The following EN1 variants were observed in gnomAD, a reference collection of about 807,000 sequenced individuals.
EN1 encodes homeobox protein engrailed-1.
A neutral mutation model predicts 22.9 loss-of-function variants in EN1; 8 were observed. The observed-to-expected ratio is 0.35, with a 90% confidence interval of 0.20 to 0.63. EN1 has a LOEUF of 0.63. Ranked by LOEUF, EN1 falls within the 20% of genes least tolerant of loss-of-function variation. The probability of loss-of-function intolerance (pLI) is 0.73; values close to 1 mark genes in which losing one functional copy is unlikely to be tolerated. For synonymous variants in EN1, 287 were observed against 262.5 expected, an observed-to-expected ratio of 1.09 and a Z score of -0.90; for missense variants, 521 against 572.1, an observed-to-expected ratio of 0.91 and a Z score of 0.91.
Position 118,846,520 on chromosome 2 carries a change from T to A in EN1, c.648A>T (p.Ala216=). 7.8e-7 allele frequency: 1 copy of A among 1,288,800 alleles called. No individual in the cohort carries two copies. The highest frequency in any genetic ancestry group is 3.2e-5 in the East Asian group (1 of 31,494). The allele number at this position is 1,288,800 out of a possible 1,614,324, so 79.8% of individuals were successfully genotyped here. A position where few individuals can be genotyped will look rare whatever the true frequency, so the allele number is the denominator to read the frequency against. ...CACCGGTGTCCGAGGGCTTGGCTGC[T>A]GCGGCCGCCGCCGCCGCCGCCACTG... The part of the protein sequence containing the change: ...AAAVAAAAAA[A]AAKPSDTGGG... Residue 216 remains alanine, a synonymous_variant, in exon 1 of 2, where the codon GCA becomes GCT. Transcript: ENST00000295206. The surrounding 1 kb of genome is among the most constrained non-coding windows in gnomAD (Gnocchi z 5.0).
intron 1 of EN1, chr2:118,843,965 TAGGGTCTC>T (rs1057085381): frequency 1.3e-5 from 2 of 151,686 alleles, no homozygotes; most frequent in South Asian, 4.2e-4. Flanking sequence ...AAGCCTTTTC[TAGGGTCTC>T]AGGGATGCAG....
chr2:118,843,142 G>A lies in EN1; in HGVS notation c.975C>T (p.Asn325=), dbSNP rs1177780569. The change falls in exon 2 of 2, where the codon AAC becomes AAT. Residue 325 remains asparagine (N), a synonymous_variant. Transcript: ENST00000295206. The part of the protein sequence containing the change: ...LQRLKAEFQA[N]RYITEQRRQT... ...GCCGCCGCTGCTCCGTGATGTAGCG[G>A]TTTGCCTGGAACTCCGCCTTGAGTC... 1.2e-6 allele frequency: 2 copies of A among 1,613,116 alleles called. No individual in the cohort carries two copies. The highest frequency in any genetic ancestry group is 1.7e-6 in the Non-Finnish European group (2 of 1,179,688).
Position 118,846,670 on chromosome 2 carries a change from AGCGCCTGGCGCCCGGGTG to A in EN1, c.480_497del (p.Thr161_Ala166del), listed in dbSNP as rs1558801384. The A allele has an allele frequency of 1.3e-6, 2 of 1,577,332 alleles. No homozygotes were observed. Among genetic ancestry groups the A allele is most frequent in the Non-Finnish European group, 1.7e-6 (2 of 1,171,184 alleles). ...CGTCCGGGGCGCACAGGAGCGAGGC[AGCGCCTGGCGCCCGGGTG>A]CCCAACGGGTGGACAGGGTCTCTAC... On this transcript the variant is annotated inframe_deletion, in exon 1 of 2. Coordinates refer to ENST00000295206, the MANE Select transcript of EN1 (RefSeq NM_001426.4). This position sits in a 1 kb window ranked among gnomAD's most constrained non-coding sequence, Gnocchi z 5.0.
In EN1 at chr2:118,846,400, G is replaced by T. The variant is rs1304539598; in HGVS notation, c.768C>A (p.Ala256=). The T allele has an allele frequency of 1.2e-6, 2 of 1,613,502 alleles. No individual in the cohort carries two copies. ...CAGTTTTGACCACGGGCCCGCCGTT[G>T]GCTGAGCCCATAAGTAGGATAGCCG... The part of the protein sequence containing the change: ...GNPAILLMGS[A]NGGPVVKTDS... Residue 256 remains alanine (A), a synonymous_variant, in exon 1 of 2, where the codon GCC becomes GCA. Transcript: ENST00000295206. The surrounding 1 kb of genome is among the most constrained non-coding windows in gnomAD (Gnocchi z 5.0).
At position 118,842,982 on chromosome 2, in the gene EN1, T is replaced by G. The variant is rs777982562; in HGVS notation, c.1135A>C (p.Asn379His). The G allele has an allele frequency of 8.1e-6, 13 of 1,613,992 alleles. No homozygotes were observed. Among genetic ancestry groups the G allele is most frequent in the African/African-American group, 1.3e-5 (1 of 74,896 alleles). ...TCCTGGACCGTGGTGGTGGAGTGGT[T>G]GTACAGTCCCTGGGCCATGAGGTGC... ...ALHLMAQGLY[N>H]HSTTTVQDKD... Residue 379 changes from asparagine (N) to histidine (H), a missense_variant, in exon 2 of 2, where the codon AAC (asparagine) becomes CAC (histidine). Coordinates refer to ENST00000295206, the MANE Select transcript of EN1 (RefSeq NM_001426.4).
chr2:118,843,208 G>A lies in EN1; in HGVS notation c.909C>T (p.Asp303=), dbSNP rs1303708862. 6.4e-7 allele frequency: 1 copy of A among 1,569,254 alleles called. No individual in the cohort carries two copies. The highest frequency in any genetic ancestry group is 8.6e-7 in the Non-Finnish European group (1 of 1,157,806). Residue 303 remains aspartate, a synonymous_variant, in exon 2 of 2, where the codon GAC becomes GAT. Transcript: ENST00000295206. Reference sequence around the variant, plus strand: ...CCGTGAACGCGGTCCGCGGCCGCTTGTCCTCCTTCTCGTTCTTCTTCTTCT... The same window carrying A: ...CCGTGAACGCGGTCCGCGGCCGCTTATCCTCCTTCTCGTTCTTCTTCTTCT... ...KLKKKKNEKE[D]KRPRTAFTAE... is the part of the protein sequence containing the mutation.
Position 118,846,457 on chromosome 2 carries a change from C to A in EN1, c.711G>T (p.Ala237=), listed in dbSNP as rs377373176. The change falls in exon 1 of 2, where the codon GCG becomes GCT. Residue 237 remains alanine, a synonymous_variant. Coordinates refer to ENST00000295206, the MANE Select transcript of EN1 (RefSeq NM_001426.4). This position sits in a 1 kb window ranked among gnomAD's most constrained non-coding sequence, Gnocchi z 5.0. ...GSGGGAGSPG[A]QGTKYPEHGN... is the part of the protein sequence containing the mutation. Reference sequence around the variant, plus strand: ...CGTGCTCCGGGTATTTGGTGCCCTGCGCTCCGGGGCTCCCCGCGCCGCCTC... The same window carrying A: ...CGTGCTCCGGGTATTTGGTGCCCTGAGCTCCGGGGCTCCCCGCGCCGCCTC... The A allele has an allele frequency of 1.2e-5, 20 of 1,606,850 alleles. No individual in the cohort carries two copies. The highest frequency in any genetic ancestry group is 2.3e-5 in the East Asian group (1 of 44,256).
chr2:118,843,275 G>A lies in EN1; in HGVS notation c.863-21C>T, dbSNP rs750658689. On this transcript the variant is annotated intron_variant, in intron 1 of 1. Coordinates refer to ENST00000295206, the MANE Select transcript of EN1 (RefSeq NM_001426.4). ...CGGACCTGCAGCGGCGGAGAGGGCC[G>A]GGGTGGGGTGGGGGTGGGGACCGAG... 3.7e-5 allele frequency: 50 copies of A among 1,337,860 alleles called. 1 individual carries two copies. Among genetic ancestry groups the A allele is most frequent in the Middle Eastern group, 4.3e-4 (2 of 4,640 alleles). The allele number at this position is 1,337,860 out of a possible 1,614,324, so 82.9% of individuals were successfully genotyped here. A position where few individuals can be genotyped will look rare whatever the true frequency, so the allele number is the denominator to read the frequency against.
At chr2:118,843,804 C>G (rs1558800542) in intron 1 of EN1, 1 of 155,244 alleles carries the variant, frequency 6.4e-6, no homozygotes, top group Non-Finnish European at 1.4e-5. Flanking sequence ...AAGACCCCAT[C>G]TGCTTGTAGC....
chr2:118,843,662 G>A (rs1186779473), intron 1 of EN1, among the ~76,000 whole-genome samples: 3 of 152,224 alleles, frequency 2.0e-5, no homozygotes. Context: ...TTGGGGGTCA[G>A]GGGCCTGCTG....
Position 118,846,853 on chromosome 2 carries a change from A to G in EN1, c.315T>C (p.Phe105=). ...CCGGCCTCAGGATGTTGTCGATGAAAAAGTTGGTGGTGCGGTGCAGCTGGG... is the reference window on the plus strand; with the variant it reads ...CCGGCCTCAGGATGTTGTCGATGAAGAAGTTGGTGGTGCGGTGCAGCTGGG... ...PAAQLHRTTN[F]FIDNILRPDF... The change falls in exon 1 of 2, where the codon TTT becomes TTC. Residue 105 remains phenylalanine (F), a synonymous_variant. Coordinates refer to ENST00000295206, the MANE Select transcript of EN1 (RefSeq NM_001426.4). This position sits in a 1 kb window ranked among gnomAD's most constrained non-coding sequence, Gnocchi z 5.0. 1 of 1,591,740 alleles carries G rather than the reference A, an allele frequency of 6.3e-7. No homozygotes were observed. Among genetic ancestry groups the G allele is most frequent in the Non-Finnish European group, 8.5e-7 (1 of 1,175,272 alleles).
chr2:118,846,532 CGCCGCCGCCACTGCCGCCGCG>C lies in EN1; in HGVS notation c.615_635del (p.Val209_Ala215del), dbSNP rs1367192397. 11 of 1,220,056 alleles carry C rather than the reference CGCCGCCGCCACTGCCGCCGCG, an allele frequency of 9.0e-6. 1 individual carries two copies. Among genetic ancestry groups the C allele is most frequent in the South Asian group, 7.0e-5 (2 of 28,634 alleles). The allele number at this position is 1,220,056 out of a possible 1,614,324, so 75.6% of individuals were successfully genotyped here. The stretch of plus-strand genomic sequence containing the variant: ...AGGGCTTGGCTGCTGCGGCCGCCGC[CGCCGCCGCCACTGCCGCCGCG>C]GCCGCCGCCGCCGCCGCAGCCGGGT... On this transcript the variant is annotated inframe_deletion, in exon 1 of 2. Transcript: ENST00000295206. This position sits in a 1 kb window ranked among gnomAD's most constrained non-coding sequence, Gnocchi z 5.0.
At position 118,845,019 on chromosome 2, in the gene EN1, G is replaced by C. The variant is rs116271135; in HGVS notation, c.862+1287C>G. On this transcript the variant is annotated intron_variant, in intron 1 of 1. Coordinates refer to ENST00000295206, the MANE Select transcript of EN1 (RefSeq NM_001426.4). ...AGTGTTGTTGTATGTGTGTGCAGAG[G>C]CACGGACTCTTGTAATAAAATCGTT... Among the ~76,000 whole-genome samples the C allele has an allele frequency of 4.2e-3, 644 of 152,370 alleles. 6 individuals are homozygous for C. Among genetic ancestry groups the C allele is most frequent in the African/African-American group, 0.015 (616 of 41,586 alleles).
Position 118,843,148 on chromosome 2 carries a change from C to T in EN1, c.969G>A (p.Gln323=), listed in dbSNP as rs780372731. ...EQLQRLKAEF[Q]ANRYITEQRR... Reference sequence around the variant, plus strand: ...GCTGCTCCGTGATGTAGCGGTTTGCCTGGAACTCCGCCTTGAGTCTCTGCA... The same window carrying T: ...GCTGCTCCGTGATGTAGCGGTTTGCTTGGAACTCCGCCTTGAGTCTCTGCA... The change falls in exon 2 of 2, where the codon CAG becomes CAA. Residue 323 remains glutamine, a synonymous_variant. Transcript: ENST00000295206. 2 of 1,612,546 alleles carry T rather than the reference C, an allele frequency of 1.2e-6. No homozygotes were observed. The highest frequency in any genetic ancestry group is 1.7e-6 in the Non-Finnish European group (2 of 1,179,380).
chr2:118,842,399 G>C lies in EN1; in HGVS notation c.*539C>G, dbSNP rs1384323058. On this transcript the variant is annotated 3_prime_UTR_variant, in exon 2 of 2. Coordinates refer to ENST00000295206, the MANE Select transcript of EN1 (RefSeq NM_001426.4). The stretch of plus-strand genomic sequence containing the variant: ...AACACACTCTCGCACACAAAGAAAA[G>C]TCCCAGAGAAACCAGGGCCGGCGAT... 1 of 152,330 alleles carries C rather than the reference G, an allele frequency of 6.6e-6. No homozygotes were observed. The highest frequency in any genetic ancestry group is 6.6e-5 in the Admixed American group (1 of 15,252). 9.4% of individuals were successfully genotyped at this position (152,330 alleles called of 1,614,324 possible). A position where few individuals can be genotyped will look rare whatever the true frequency, so the allele number is the denominator to read the frequency against.
rs1678266128 is a variant in EN1, at chr2:118,846,258, G to A, written c.862+48C>T. 8 of 1,580,914 alleles carry A rather than the reference G, an allele frequency of 5.1e-6. No homozygotes were observed. In the East Asian group the frequency reaches 1.2e-4, roughly 23 times the overall value. On this transcript the variant is annotated intron_variant, in intron 1 of 1. Transcript: ENST00000295206. This position sits in a 1 kb window ranked among gnomAD's most constrained non-coding sequence, Gnocchi z 5.0. ...GCGCCGCAGCTTGGCGTTCTGGGGC[G>A]GTCCGCGGGGCCAGAAGGCATGGCG...
rs143139406 is a variant in EN1, at chr2:118,842,421, C to A, written c.*517G>T. 540 of 150,874 alleles carry A rather than the reference C, an allele frequency of 3.6e-3. 2 individuals are homozygous for A. Among genetic ancestry groups the A allele is most frequent in the African/African-American group, 0.012 (504 of 40,742 alleles). The allele number at this position is 150,874 out of a possible 1,614,324, so 9.3% of individuals were successfully genotyped here. A position where few individuals can be genotyped will look rare whatever the true frequency, so the allele number is the denominator to read the frequency against. On this transcript the variant is annotated 3_prime_UTR_variant, in exon 2 of 2. Transcript: ENST00000295206. ...AAAGTCCCAGAGAAACCAGGGCCGG[C>A]GATGCGGGTCGGGAGGCACCGGAGA... is the stretch of plus-strand genomic sequence containing the variant.
Position 118,842,758 on chromosome 2 carries a change from T to G in EN1, c.*180A>C. 3.6e-6 allele frequency: 4 copies of G among 1,124,980 alleles called. No homozygotes were observed. The highest frequency in any genetic ancestry group is 4.9e-6 in the Non-Finnish European group (4 of 823,284). The allele number at this position is 1,124,980 out of a possible 1,614,324, so 69.7% of individuals were successfully genotyped here. Reference sequence around the variant, plus strand: ...AGCACCTGTCCGAGTCTTTCTCCCTTTTCAAAAATGCTGCGTTTCAACGTC... The same window carrying G: ...AGCACCTGTCCGAGTCTTTCTCCCTGTTCAAAAATGCTGCGTTTCAACGTC... On this transcript the variant is annotated 3_prime_UTR_variant, in exon 2 of 2. Transcript: ENST00000295206.
intron 1 of EN1, among the ~76,000 whole-genome samples, chr2:118,844,839 A>C (rs1054790551): frequency 6.6e-6 from 1 of 152,246 alleles, no homozygotes; most frequent in Non-Finnish European, 1.5e-5. Context: ...ACCCAGGCCC[A>C]TAAGAAGGAA....
Sources: gnomAD v4.1 joint callset for allele counts (sites outside exome capture counted in the v4.1 genomes callset) on GRCh38, gnomAD v4.1.1 for gene constraint, Gnocchi (gnomAD v3.1) non-coding constraint, MANE v1.5 for transcripts, NCBI Gene and HGNC (gene_info 2026-07-23, HGNC 2026-07-21) for gene names.